SPATA13: variants seen among roughly 807,000 people sequenced by gnomAD.
SPATA13 encodes spermatogenesis associated 13, also known as spermatogenesis-associated protein 13.
A neutral mutation model predicts 104.0 loss-of-function variants in SPATA13; 50 were observed. That is an observed-to-expected ratio of 0.48 (90% CI 0.38 to 0.61). SPATA13 has a LOEUF of 0.61. Ranked by LOEUF, SPATA13 falls within the 20% of genes least tolerant of loss-of-function variation. The probability of loss-of-function intolerance (pLI) is 0.00; values close to 1 mark genes in which losing one functional copy is unlikely to be tolerated. For missense variants in SPATA13, 1,524 were observed against 1,690.6 expected, an observed-to-expected ratio of 0.90 and a Z score of 1.73; for synonymous variants, 606 against 667.5, an observed-to-expected ratio of 0.91 and a Z score of 1.42.
intron 10 of SPATA13, among the ~76,000 whole-genome samples, chr13:24,295,515 G>A (rs1413669008): frequency 6.6e-6 from 1 of 152,110 alleles, no homozygotes; most frequent in Admixed American, 6.5e-5. Flanking sequence ...GGGAGGCTGA[G>A]TTGAAAGGAT....
At chr13:24,098,083 C>G (rs4769317) in intron 3 of SPATA13, among the ~76,000 whole-genome samples, 38,893 of 151,754 alleles carry the variant, frequency 0.26, 5,764 homozygotes, top group Non-Finnish European at 0.32. Flanking sequence ...AAGACCAGGC[C>G]CCAGAGAAAA....
In SPATA13 at chr13:24,286,136, G is replaced by A; in HGVS notation, c.2302-78G>A. 3.6e-6 allele frequency: 5 copies of A among 1,391,788 alleles called. No homozygotes were observed. Among genetic ancestry groups the A allele is most frequent in the Non-Finnish European group, 3.9e-6 (4 of 1,014,852 alleles). The allele number at this position is 1,391,788 out of a possible 1,614,324, so 86.2% of individuals were successfully genotyped here. ...TGAGAGGATACCAGTGTCACCCTGAGAGAGTGCACCTAGTGGCTCCCTCAC... is the reference window on the plus strand; with the variant it reads ...TGAGAGGATACCAGTGTCACCCTGAAAGAGTGCACCTAGTGGCTCCCTCAC... On this transcript the variant is annotated intron_variant, in intron 5 of 12. Transcript: ENST00000382108. The surrounding 1 kb of genome is among the most constrained non-coding windows in gnomAD (Gnocchi z 4.9).
intron 4 of SPATA13, among the ~76,000 whole-genome samples, chr13:24,254,048 T>G (rs923133494): frequency 1.3e-5 from 2 of 152,014 alleles, no homozygotes; most frequent in Non-Finnish European, 2.9e-5. Flanking sequence ...GGAAGAGGAA[T>G]GGAGATTGAT....
At chr13:24,105,456 T>TTTTTTTC (rs1476449969) in intron 3 of SPATA13, among the ~76,000 whole-genome samples, 1 of 151,766 alleles carries the variant, frequency 6.6e-6, no homozygotes, top group Admixed American at 6.6e-5. Flanking sequence ...TTTTTTTTTT[T>TTTTTTTC]TGACATATCA....
intron 3 of SPATA13, among the ~76,000 whole-genome samples, chr13:24,036,029 A>G (rs1877669097): frequency 6.6e-6 from 1 of 151,760 alleles, no homozygotes; most frequent in Admixed American, 6.6e-5. Context: ...AAAAAAAAAA[A>G]AAAAGAAAGA....
intron 3 of SPATA13, among the ~76,000 whole-genome samples, chr13:24,250,603 A>G (rs1393885884): frequency 6.6e-6 from 1 of 152,230 alleles, no homozygotes; most frequent in African/African-American, 2.4e-5. Context: ...ATTATCTTAA[A>G]AGGGAACTCC....
At chr13:23,983,800 T>G in exon 2 of SPATA13, 1 of 813,392 alleles carries the variant, frequency 1.2e-6, no homozygotes, top group Non-Finnish European at 1.5e-6. Context: ...GACCTGTCTA[T>G]CTGCATTTTT....
rs187264255 is a variant in SPATA13 at position 23,986,608 on chromosome 13, C to G, written c.-147+2675C>G. Among the ~76,000 whole-genome samples, 6 of 152,326 alleles carry G rather than the reference C, an allele frequency of 3.9e-5. No homozygotes were observed. The East Asian group carries it at 1.2e-3, about 29-fold the overall frequency. ...ATGATGGTATCTCCATTTTTACACACAAGGTTGGGAAAGTCTGCCTGGGAA... is the reference window on the plus strand; with the variant it reads ...ATGATGGTATCTCCATTTTTACACAGAAGGTTGGGAAAGTCTGCCTGGGAA... On this transcript the variant is annotated intron_variant, in intron 2 of 14. Coordinates refer to the SPATA13 transcript ENST00000424834.
intron 3 of SPATA13, among the ~76,000 whole-genome samples, chr13:24,126,539 G>GTC (rs199873706): frequency 6.6e-6 from 1 of 152,026 alleles, no homozygotes; most frequent in African/African-American, 2.4e-5. Context: ...ATATATTTGT[G>GTC]TGTGTGTGAG....
At chr13:24,162,029 C>A (rs1441261567) in intron 1 of SPATA13, among the ~76,000 whole-genome samples, 1 of 152,160 alleles carries the variant, frequency 6.6e-6, no homozygotes, top group Non-Finnish European at 1.5e-5. Flanking sequence ...TCCCCCTCCC[C>A]CGTCTTGCAA....
At chr13:24,080,367 C>A (rs1476623120) in intron 3 of SPATA13, among the ~76,000 whole-genome samples, 1 of 152,214 alleles carries the variant, frequency 6.6e-6, no homozygotes, top group South Asian at 2.1e-4. Context: ...CAGGAACCAA[C>A]GACTTACTAG....
At chr13:24,128,246 C>T (rs1473700739) in intron 3 of SPATA13, among the ~76,000 whole-genome samples, 1 of 151,898 alleles carries the variant, frequency 6.6e-6, no homozygotes, top group Non-Finnish European at 1.5e-5. Flanking sequence ...TGGACATTGT[C>T]CTTGTGCCCG....
chr13:24,272,668 G>C (rs78200671), intron 4 of SPATA13: 2,680 of 152,310 alleles, frequency 0.018, 75 homozygotes, highest in African/African-American at 0.061. Context: ...TCTCCTGTCA[G>C]TGTGAGTTGA....
At chr13:24,039,606 G>C (rs150946792) in intron 3 of SPATA13, among the ~76,000 whole-genome samples, 2 of 152,242 alleles carry the variant, frequency 1.3e-5, no homozygotes, top group East Asian at 3.9e-4. Flanking sequence ...TCGAGGGGTC[G>C]TTTCTTAGTT....
At chr13:24,238,457 T>A (rs1345858328) in intron 2 of SPATA13, among the ~76,000 whole-genome samples, 1 of 152,136 alleles carries the variant, frequency 6.6e-6, no homozygotes, top group South Asian at 2.1e-4. Flanking sequence ...GCCCCCGGCC[T>A]CTCCTTGATG....
At chr13:24,045,780 G>C (rs1878121391) in intron 3 of SPATA13, among the ~76,000 whole-genome samples, 1 of 152,210 alleles carries the variant, frequency 6.6e-6, no homozygotes, top group Non-Finnish European at 1.5e-5. Flanking sequence ...GGGTTGCTGG[G>C]ATTTGTTCCA....
chr13:24,006,710 T>G (rs1876249160), intron 2 of SPATA13, among the ~76,000 whole-genome samples: 2 of 152,122 alleles, frequency 1.3e-5, no homozygotes, highest in South Asian at 4.1e-4. Context: ...TGAGTTGCAA[T>G]GAGGCCAGCC....
rs1319989848 is a variant in SPATA13 at position 24,305,829 on chromosome 13, G to C, written c.*3056G>C. ...TGGGTCAAAAGCAACCTTTTCAATT[G>C]TGATCATACCTAAAACATATAAAAA... is the stretch of plus-strand genomic sequence containing the variant. On this transcript the variant is annotated 3_prime_UTR_variant, in exon 13 of 13. Coordinates refer to ENST00000382108, the MANE Select transcript of SPATA13 (RefSeq NM_001166271.3). 1 of 152,172 alleles carries C rather than the reference G, an allele frequency of 6.6e-6. No individual in the cohort carries two copies. The highest frequency in any genetic ancestry group is 1.5e-5 in the Non-Finnish European group (1 of 68,034). 9.4% of individuals were successfully genotyped at this position (152,172 alleles called of 1,614,324 possible).
intron 2 of SPATA13, among the ~76,000 whole-genome samples, chr13:24,233,132 G>A (rs1872377099): frequency 6.6e-6 from 1 of 152,192 alleles, no homozygotes; most frequent in African/African-American, 2.4e-5. Context: ...TGCAGAGAAT[G>A]TAAGTTTCCA....
Sources: allele counts gnomAD v4.1 joint callset (sites outside exome capture counted in the v4.1 genomes callset), GRCh38; gene constraint gnomAD v4.1.1; non-coding constraint Gnocchi (gnomAD v3.1); transcripts MANE v1.5; gene names NCBI Gene and HGNC (gene_info 2026-07-23, HGNC 2026-07-21).